The following TIAM2 variants were observed in gnomAD, a reference collection of about 807,000 sequenced individuals.
The protein encoded by TIAM2 is TIAM Rac1 associated GEF 2, also known as rho guanine nucleotide exchange factor TIAM2.
A neutral mutation model predicts 152.9 loss-of-function variants in TIAM2; 80 were observed. The ratio of observed to expected loss-of-function variants is 0.52; its 90% CI spans 0.44 to 0.63. The LOEUF is 0.63. Ranked by LOEUF, TIAM2 falls within the 30% of genes least tolerant of loss-of-function variation. The pLI is 0.00. For missense variants in TIAM2, 1,965 were observed against 2,120.1 expected (o/e 0.93, Z 1.44); for synonymous variants, 804 against 838.0 (o/e 0.96, Z 0.70).
rs559307371 is a variant in TIAM2 at position 155,070,209 on chromosome 6, C to CTT, written c.-208-20052_-208-20051dup. 4.5e-3 allele frequency among the ~76,000 whole-genome samples: 200 copies of CTT among 44,146 alleles called. 24 individuals are homozygous for CTT. The highest frequency in any genetic ancestry group is 0.019 in the African/African-American group (159 of 8,322). The allele number at this position is 44,146 out of a possible 152,430, so 29.0% of individuals were successfully genotyped here. A position where few individuals can be genotyped will look rare whatever the true frequency, so the allele number is the denominator to read the frequency against. On this transcript the variant is annotated intron_variant, in intron 1 of 26. Coordinates refer to ENST00000682666, the MANE Select transcript of TIAM2 (RefSeq NM_012454.4). ...GTATGAGCCACCGCGCCTGGCCAGA[C>CTT]TTTTTTTTTTTTTTTTTTTTTTTTT...
chr6:155,009,760 C>T (rs1018216148), intron 1 of TIAM2, among the ~76,000 whole-genome samples: 5 of 152,158 alleles, frequency 3.3e-5, no homozygotes, highest in Admixed American at 3.3e-4. Flanking sequence ...CCCTTGGGCC[C>T]CTCTGAAGGA....
intron 7 of TIAM2, among the ~76,000 whole-genome samples, chr6:155,148,923 A>G (rs1266819958): frequency 2.6e-5 from 4 of 152,226 alleles, no homozygotes; most frequent in African/African-American, 9.6e-5. Context: ...CCCTTTGCTC[A>G]GACAACCTAA....
intron 4 of TIAM2, among the ~76,000 whole-genome samples, chr6:155,132,792 C>G (rs1392914045): frequency 6.6e-6 from 1 of 152,196 alleles, no homozygotes; most frequent in Non-Finnish European, 1.5e-5. Context: ...TTCTGCATCT[C>G]TTATGTGCAC....
At chr6:154,996,278 G>T (rs1301672348) in intron 1 of TIAM2, among the ~76,000 whole-genome samples, 1 of 152,130 alleles carries the variant, frequency 6.6e-6, no homozygotes, top group Non-Finnish European at 1.5e-5. Context: ...CTTGCATGCC[G>T]TTTTTTTAAA....
intron 2 of TIAM2, among the ~76,000 whole-genome samples, chr6:155,119,489 G>A (rs1425045734): frequency 1.3e-5 from 2 of 152,026 alleles, no homozygotes; most frequent in African/African-American, 2.4e-5. Flanking sequence ...ACAGGCATGA[G>A]CCACTGTGAC....
intron 12 of TIAM2, among the ~76,000 whole-genome samples, chr6:155,181,581 T>C (rs9478619): frequency 1.3e-5 from 2 of 152,206 alleles, no homozygotes; most frequent in Non-Finnish European, 2.9e-5. Context: ...AGAAATCTTT[T>C]CGTCTTGTAA....
At chr6:155,164,684 A>G (rs1780373208) in intron 8 of TIAM2, 84 bp downstream of exon 8, 4 of 1,500,700 alleles carry the variant, frequency 2.7e-6, no homozygotes, top group Non-Finnish European at 3.6e-6. Context: ...TGCCATCGGC[A>G]CTTGTGGGGC....
chr6:155,129,745 G>C lies in TIAM2; in HGVS notation c.522G>C (p.Arg174Ser), dbSNP rs758500084. 4 of 1,613,928 alleles carry C rather than the reference G, an allele frequency of 2.5e-6. No individual in the cohort carries two copies. The highest frequency in any genetic ancestry group is 1.7e-6 in the Non-Finnish European group (2 of 1,180,014). ...KTLGKLDGCL[R>S]VEFHNGGNPS... ...TGGGGAAGCTGGATGGGTGTTTAAG[G>C]GTCGAGTTCCACAATGGTGGCAACC... is the stretch of plus-strand genomic sequence containing the variant. The change falls in exon 4 of 27, where the codon AGG (arginine) becomes AGC (serine). Residue 174 changes from arginine (R) to serine (S), a missense_variant. This residue lies in a region of TIAM2 where 1,025 missense variants were observed against 1,119.4 expected (regional missense o/e 0.92). Coordinates refer to ENST00000682666, the MANE Select transcript of TIAM2 (RefSeq NM_012454.4). The surrounding 1 kb of genome is among the most constrained non-coding windows in gnomAD (Gnocchi z 4.8).
intron 1 of TIAM2, among the ~76,000 whole-genome samples, chr6:155,079,048 G>C (rs1458190276): frequency 6.6e-6 from 1 of 151,576 alleles, no homozygotes; most frequent in African/African-American, 2.4e-5. Context: ...TGGATGACCA[G>C]TTTATCTTTG....
chr6:155,162,971 A>G (rs1780312407), intron 7 of TIAM2, among the ~76,000 whole-genome samples: 1 of 152,210 alleles, frequency 6.6e-6, no homozygotes, highest in South Asian at 2.1e-4. Flanking sequence ...GCAGCGACCA[A>G]CCTAAGAAAT....
intron 19 of TIAM2, among the ~76,000 whole-genome samples, chr6:155,246,618 G>A (rs1262810929): frequency 6.6e-6 from 1 of 152,186 alleles, no homozygotes; most frequent in African/African-American, 2.4e-5. Context: ...TTATAGGCAT[G>A]AGCCACCACG....
intron 1 of TIAM2, among the ~76,000 whole-genome samples, chr6:155,048,150 ACTGTATTGGC>A (rs1176560567): frequency 6.6e-6 from 1 of 152,014 alleles, no homozygotes; most frequent in Non-Finnish European, 1.5e-5. Context: ...ACAGGGTTTC[ACTGTATTGGC>A]CAGGCTGGTT....
rs529950428 is a variant in TIAM2, at chr6:155,244,900, G to A, written c.3543+117G>A. Reference sequence around the variant, plus strand: ...GTCCTGTGACTATTGACTATTTATTGTCCTGTGACTATTTCCTTGCACCGT... The same window carrying A: ...GTCCTGTGACTATTGACTATTTATTATCCTGTGACTATTTCCTTGCACCGT... On this transcript the variant is annotated intron_variant, in intron 18 of 26. Transcript: ENST00000682666. The A allele has an allele frequency of 1.3e-4, 169 of 1,277,748 alleles. 2 individuals are homozygous for A. The South Asian group carries it at 1.6e-3, about 12-fold the overall frequency. 79.2% of individuals were successfully genotyped at this position (1,277,748 alleles called of 1,614,324 possible). A position where few individuals can be genotyped will look rare whatever the true frequency, so the allele number is the denominator to read the frequency against.
chr6:155,221,053 C>T (rs888372542), intron 15 of TIAM2, among the ~76,000 whole-genome samples: 2 of 148,562 alleles, frequency 1.3e-5, no homozygotes, highest in Non-Finnish European at 3.0e-5. Context: ...CAGTACTTTC[C>T]TACCTGCCTT....
intron 1 of TIAM2, among the ~76,000 whole-genome samples, chr6:155,024,147 C>T (rs760988475): frequency 1.4e-4 from 21 of 152,298 alleles, no homozygotes; most frequent in Non-Finnish European, 2.5e-4. Flanking sequence ...CTTCAGACTG[C>T]GTCTTGCTGG....
At chr6:155,074,364 G>A (rs543174317) in intron 1 of TIAM2, among the ~76,000 whole-genome samples, 4 of 150,624 alleles carry the variant, frequency 2.7e-5, no homozygotes, top group African/African-American at 9.7e-5. Context: ...TTGTTTTTTT[G>A]TTTTTTGAGG....
rs901720784 is a variant in TIAM2, at chr6:155,213,723, C to T, written c.3168+2416C>T. 6.6e-6 allele frequency among the ~76,000 whole-genome samples: 1 copy of T among 152,230 alleles called. No individual in the cohort carries two copies. The highest frequency in any genetic ancestry group is 2.4e-5 in the African/African-American group (1 of 41,468). ...CCCAGGCTGTTTGTGCCAAAGGGTG[C>T]CTGCAGGCCAGGGCCGAGCTGCCCT... On this transcript the variant is annotated intron_variant, in intron 15 of 26. Coordinates refer to ENST00000682666, the MANE Select transcript of TIAM2 (RefSeq NM_012454.4). The surrounding 1 kb of genome is among the most constrained non-coding windows in gnomAD (Gnocchi z 4.2).
rs370193499 is a variant in TIAM2 at position 155,144,999 on chromosome 6, T to C, written c.1803+221T>C. Among the ~76,000 whole-genome samples the C allele has an allele frequency of 6.1e-4, 93 of 152,240 alleles. 1 individual carries two copies. The highest frequency in any genetic ancestry group is 8.5e-4 in the Non-Finnish European group (58 of 68,018). On this transcript the variant is annotated intron_variant, in intron 6 of 26. Transcript: ENST00000682666. ...GGGCACTTTTCAGGTGCCTCTGAAGTCCCAGGCTGTGGCCCATGAGATGCT... is the reference window on the plus strand; with the variant it reads ...GGGCACTTTTCAGGTGCCTCTGAAGCCCCAGGCTGTGGCCCATGAGATGCT...
In TIAM2 at chr6:155,254,407, C is replaced by G. The variant is rs773621969; in HGVS notation, c.4314-12C>G. On this transcript the variant is annotated splice_polypyrimidine_tract_variant and intron_variant, in intron 25 of 26. Coordinates refer to ENST00000682666, the MANE Select transcript of TIAM2 (RefSeq NM_012454.4). ...TGGACACTTCTGCTGTTTTCTCTCC[C>G]CCCCCACCCAGTGACAGTGAAAGCA... 8 of 1,609,778 alleles carry G rather than the reference C, an allele frequency of 5.0e-6. No homozygotes were observed. Among genetic ancestry groups the G allele is most frequent in the South Asian group, 1.1e-5 (1 of 90,994 alleles).
Sources: allele counts gnomAD v4.1 joint callset (sites outside exome capture counted in the v4.1 genomes callset), GRCh38; gene constraint gnomAD v4.1.1; regional missense constraint gnomAD v4.1.1; non-coding constraint Gnocchi (gnomAD v3.1); transcripts MANE v1.5; gene names NCBI Gene and HGNC (gene_info 2026-07-23, HGNC 2026-07-21).